Variants in HS6ST3 observed in about 807,000 individuals in gnomAD.
The protein encoded by HS6ST3 is heparan sulfate 6-O-sulfotransferase 3, also known as heparan-sulfate 6-O-sulfotransferase 3.
Under a neutral mutation model 36.7 loss-of-function variants are expected in HS6ST3, and 12 were observed. The observed-to-expected ratio is 0.33, with a 90% CI of 0.21 to 0.53. The LOEUF is 0.53. Ranked by LOEUF, HS6ST3 falls within the 20% of genes least tolerant of loss-of-function variation. HS6ST3 has a pLI of 0.95. For missense variants in HS6ST3, 584 were observed against 640.9 expected (o/e 0.91, Z 0.96); for synonymous variants, 240 against 257.5 (o/e 0.93, Z 0.65).
chr13:96,720,872 T>C lies in HS6ST3; in HGVS notation c.708-111618T>C, dbSNP rs369115410. Among the ~76,000 whole-genome samples, 37 of 152,302 alleles carry C rather than the reference T, an allele frequency of 2.4e-4. 1 individual carries two copies. The highest frequency in any genetic ancestry group is 8.7e-4 in the African/African-American group (36 of 41,562). On this transcript the variant is annotated intron_variant, in intron 1 of 1. Transcript: ENST00000376705. ...TGTTTTATGTCTTTCCTATAGCATGTTTAAGGGTGTCATTAAAAGAACAAT... is the reference window on the plus strand; with the variant it reads ...TGTTTTATGTCTTTCCTATAGCATGCTTAAGGGTGTCATTAAAAGAACAAT...
intron 1 of HS6ST3, among the ~76,000 whole-genome samples, chr13:96,149,606 TA>T (rs35358093): frequency 6.6e-6 from 1 of 152,188 alleles, no homozygotes; most frequent in Non-Finnish European, 1.5e-5. Flanking sequence ...ATCTTATTTT[TA>T]AAAAGTAAAC....
chr13:96,832,919 C>A lies in HS6ST3; in HGVS notation c.1137C>A (p.Phe379Leu), dbSNP rs1878838383. 1 of 1,614,182 alleles carries A rather than the reference C, an allele frequency of 6.2e-7. No homozygotes were observed. The highest frequency in any genetic ancestry group is 8.5e-7 in the Non-Finnish European group (1 of 1,180,026). The change falls in exon 2 of 2, where the codon TTC becomes TTA. Residue 379 changes from phenylalanine to leucine, a missense_variant. By Grantham distance (22) the Phe-to-Leu change is conservative (BLOSUM62 0). Transcript: ENST00000376705. ...NLKFISPFTQ[F>L]NITRASNVEI... Reference sequence around the variant, plus strand: ...AGTTCATCTCCCCCTTCACACAGTTCAACATCACGCGGGCTTCTAACGTGG... The same window carrying A: ...AGTTCATCTCCCCCTTCACACAGTTAAACATCACGCGGGCTTCTAACGTGG...
At chr13:96,544,339 A>G (rs13378217) in intron 1 of HS6ST3, among the ~76,000 whole-genome samples, 25,124 of 152,122 alleles carry the variant, frequency 0.17, 2,854 homozygotes, top group African/African-American at 0.32. Context: ...TGGAACTGAA[A>G]AATTTAATAC....
chr13:96,395,472 C>A (rs988375616), intron 1 of HS6ST3, among the ~76,000 whole-genome samples: 1 of 152,188 alleles, frequency 6.6e-6, no homozygotes, highest in Non-Finnish European at 1.5e-5. Flanking sequence ...CTGCCACAAC[C>A]CTGCTCTCTC....
intron 1 of HS6ST3, among the ~76,000 whole-genome samples, chr13:96,337,743 AT>A (rs2055109012): frequency 6.6e-6 from 1 of 151,386 alleles, no homozygotes; most frequent in South Asian, 2.1e-4. Flanking sequence ...TAATTTTATA[AT>A]TTCTCTCCCT....
At chr13:96,440,668 A>G (rs1035302551) in intron 1 of HS6ST3, among the ~76,000 whole-genome samples, 1 of 152,066 alleles carries the variant, frequency 6.6e-6, no homozygotes, top group African/African-American at 2.4e-5. Context: ...CTATGCATGG[A>G]CAATGGGGTT....
chr13:96,473,879 G>A (rs992563400), intron 1 of HS6ST3, among the ~76,000 whole-genome samples: 9 of 152,178 alleles, frequency 5.9e-5, no homozygotes, highest in East Asian at 1.9e-4. Flanking sequence ...TTTTGCTACC[G>A]TGTACTCCTA....
chr13:96,692,568 G>A (rs2138446186), intron 1 of HS6ST3, among the ~76,000 whole-genome samples: 1 of 152,186 alleles, frequency 6.6e-6, no homozygotes, highest in Middle Eastern at 3.4e-3. Context: ...TTGCATTCAG[G>A]GGGCTTGTGC....
intron 1 of HS6ST3, among the ~76,000 whole-genome samples, chr13:96,298,429 C>G (rs965118870): frequency 1.3e-5 from 2 of 152,196 alleles, no homozygotes; most frequent in Admixed American, 6.5e-5. Context: ...TTCTTAGAAG[C>G]CTTCCTGCTG....
At chr13:96,469,149 G>A (rs767628185) in intron 1 of HS6ST3, among the ~76,000 whole-genome samples, 1 of 152,108 alleles carries the variant, frequency 6.6e-6, no homozygotes, top group Non-Finnish European at 1.5e-5. Context: ...GCAGCTGGAG[G>A]TTGTCTGAAT....
chr13:96,112,423 G>T (rs1385671978), intron 1 of HS6ST3, among the ~76,000 whole-genome samples: 1 of 151,358 alleles, frequency 6.6e-6, no homozygotes. Context: ...AAACATGAAA[G>T]ATTTATCTAT....
chr13:96,130,962 C>T (rs116497226), intron 1 of HS6ST3, among the ~76,000 whole-genome samples: 1 of 152,304 alleles, frequency 6.6e-6, no homozygotes, highest in African/African-American at 2.4e-5. Context: ...GGCCCTGCAG[C>T]CCTGCTCAGC....
chr13:96,497,327 T>G (rs886384555), intron 1 of HS6ST3, among the ~76,000 whole-genome samples: 2 of 152,158 alleles, frequency 1.3e-5, no homozygotes, highest in Non-Finnish European at 2.9e-5. Context: ...TCCTGCAGAC[T>G]CATGATCACC....
chr13:96,628,764 C>A (rs2138999511), intron 1 of HS6ST3, among the ~76,000 whole-genome samples: 1 of 151,866 alleles, frequency 6.6e-6, no homozygotes, highest in South Asian at 2.1e-4. Flanking sequence ...TTTTGGTTAG[C>A]ATTTGTTTGG....
At chr13:96,718,667 T>C (rs928984206) in intron 1 of HS6ST3, among the ~76,000 whole-genome samples, 2 of 152,106 alleles carry the variant, frequency 1.3e-5, no homozygotes, top group African/African-American at 4.8e-5. Context: ...AAGTGAGAGG[T>C]CATGAATAAT....
chr13:96,371,410 C>T lies in HS6ST3; in HGVS notation c.707+279841C>T, dbSNP rs576562370. Among the ~76,000 whole-genome samples, 4 of 152,102 alleles carry T rather than the reference C, an allele frequency of 2.6e-5. No individual in the cohort carries two copies. In the South Asian group the frequency reaches 8.3e-4, roughly 32 times the overall value. On this transcript the variant is annotated intron_variant, in intron 1 of 1. Transcript: ENST00000376705. ...TACATGTACAATGTGACATGATTAC[C>T]ACAATCAAGCTAATCAACCTATCCA...
At chr13:96,500,897 A>G (rs2056000985) in intron 1 of HS6ST3, among the ~76,000 whole-genome samples, 1 of 152,178 alleles carries the variant, frequency 6.6e-6, no homozygotes, top group South Asian at 2.1e-4. Context: ...GTGTGGCCAT[A>G]TTATTGAAGT....
intron 1 of HS6ST3, among the ~76,000 whole-genome samples, chr13:96,138,812 A>C (rs2054015474): frequency 6.6e-6 from 1 of 152,176 alleles, no homozygotes; most frequent in African/African-American, 2.4e-5. Context: ...TATGTGGAAA[A>C]AATGATATAA....
intron 1 of HS6ST3, among the ~76,000 whole-genome samples, chr13:96,579,822 T>C (rs931591931): frequency 1.3e-5 from 2 of 152,124 alleles, no homozygotes; most frequent in African/African-American, 4.8e-5. Flanking sequence ...GTGACAGAGG[T>C]CATGGACACT....
Sources: gnomAD v4.1 joint callset for allele counts (sites outside exome capture counted in the v4.1 genomes callset) on GRCh38, gnomAD v4.1.1 for gene constraint, MANE v1.5 for transcripts, NCBI Gene and HGNC (gene_info 2026-07-23, HGNC 2026-07-21) for gene names.